ALDH5A1: variants seen among roughly 807,000 people sequenced by gnomAD.
ALDH5A1 encodes aldehyde dehydrogenase 5 family member A1.
In ALDH5A1, 33 loss-of-function variants were observed where a neutral mutation model predicts 54.7. That is an observed-to-expected ratio of 0.60 (90% confidence interval 0.46 to 0.81). ALDH5A1 has a LOEUF of 0.81. Among genes scored for constraint, ALDH5A1 ranks in the 30% least tolerant of loss-of-function variants. The pLI, the probability that ALDH5A1 is intolerant of heterozygous loss-of-function variation, is 0.00. For missense variants in ALDH5A1, 657 were observed against 711.0 expected (o/e 0.92, Z 0.86); for synonymous variants, 294 against 292.7 (o/e 1.00, Z -0.05).
rs1370936799 is a variant in ALDH5A1, at chr6:24,495,337, A to G, written c.341A>G (p.Glu114Gly). 5.9e-6 allele frequency: 9 copies of G among 1,532,650 alleles called. No homozygotes were observed. Among genetic ancestry groups the G allele is most frequent in the Non-Finnish European group, 7.9e-6 (9 of 1,146,228 alleles). The allele number at this position is 1,532,650 out of a possible 1,614,324, so 94.9% of individuals were successfully genotyped here. The change falls in exon 1 of 10, where the codon GAG (glutamate) becomes GGG (glycine). Residue 114 changes from glutamate to glycine, a missense_variant. Coordinates refer to ENST00000357578, the MANE Select transcript of ALDH5A1 (RefSeq NM_001080.3). ...TACGAGGCTTTCTGCCGCTGGAGGGAGGTCTCCGCCAAGGTGAGAGAGCCC... is the reference window on the plus strand; with the variant it reads ...TACGAGGCTTTCTGCCGCTGGAGGGGGGTCTCCGCCAAGGTGAGAGAGCCC... ...AAYEAFCRWR[E>G]VSAKERSSLL... is the part of the protein sequence containing the mutation.
rs57900397 is a variant in ALDH5A1 at position 24,514,903 on chromosome 6, G to A, written c.727-264G>A. On this transcript the variant is annotated intron_variant, in intron 4 of 9. Coordinates refer to ENST00000357578, the MANE Select transcript of ALDH5A1 (RefSeq NM_001080.3). ...TCCTCTCAACTCTGCCTCCCAAAGC[G>A]CTGAGATTACAGGCATGAGCCACCA... 0.17 allele frequency among the ~76,000 whole-genome samples: 25,823 copies of A among 151,772 alleles called. 2,299 individuals carry two copies. The highest frequency in any genetic ancestry group is 0.2 in the Middle Eastern group (59 of 292).
rs1216101332 is a variant in ALDH5A1 at position 24,502,579 on chromosome 6, C to T, written c.411C>T (p.Asp137=). The T allele has an allele frequency of 2.5e-6, 4 of 1,613,498 alleles. No homozygotes were observed. In the East Asian group the frequency reaches 8.9e-5, roughly 36 times the overall value. Residue 137 remains aspartate, a synonymous_variant, in exon 2 of 10, where the codon GAC becomes GAT. Transcript: ENST00000357578. The part of the protein sequence containing the change: ...WYNLMIQNKD[D]LARIITAESG... ...ATTTAATGATACAAAATAAGGATGA[C>T]CTTGCCAGAATAATCACAGCTGAAA...
At chr6:24,499,240 C>T (rs1005112622) in intron 1 of ALDH5A1, among the ~76,000 whole-genome samples, 4 of 152,008 alleles carry the variant, frequency 2.6e-5, no homozygotes, top group African/African-American at 4.8e-5. Flanking sequence ...TGCAGTGAGC[C>T]GAGATGGCGC....
At position 24,531,538 on chromosome 6, in the gene ALDH5A1, G is replaced by A. The variant is rs141052202; in HGVS notation, c.1344-581G>A. 1.9e-3 allele frequency among the ~76,000 whole-genome samples: 293 copies of A among 152,242 alleles called. 1 individual carries two copies. Among genetic ancestry groups the A allele is most frequent in the African/African-American group, 6.7e-3 (278 of 41,542 alleles). On this transcript the variant is annotated intron_variant, in intron 8 of 9. Coordinates refer to ENST00000357578, the MANE Select transcript of ALDH5A1 (RefSeq NM_001080.3). ...GAAATTGGGGTGCTTAGAACTTTTT[G>A]CCCCAGTTACAATTCTGGAACAACA...
In ALDH5A1 at chr6:24,518,586, G is replaced by A. The variant is rs1450863578; in HGVS notation, c.871-1815G>A. Among the ~76,000 whole-genome samples the A allele has an allele frequency of 1.3e-5, 2 of 152,190 alleles. No homozygotes were observed. The highest frequency in any genetic ancestry group is 2.9e-5 in the Non-Finnish European group (2 of 68,028). ...ATTTTTAAATAAAAACATAAAAAAA[G>A]TTTAAATAGTTATGTTGCGTCCGAT... On this transcript the variant is annotated intron_variant, in intron 5 of 9. Transcript: ENST00000357578. The surrounding 1 kb of genome is among the most constrained non-coding windows in gnomAD (Gnocchi z 4.2).
At chr6:24,532,543 G>A (rs1759957253) in intron 9 of ALDH5A1, among the ~76,000 whole-genome samples, 1 of 152,176 alleles carries the variant, frequency 6.6e-6, no homozygotes, top group African/African-American at 2.4e-5. Context: ...AGCCTGAACA[G>A]AAGAGGAAGG....
chr6:24,513,874 T>A (rs1759511282), intron 4 of ALDH5A1, among the ~76,000 whole-genome samples: 1 of 152,176 alleles, frequency 6.6e-6, no homozygotes. Flanking sequence ...ACACAGGTGG[T>A]ATATTCTTAC....
chr6:24,505,035 G>A (rs1305627622), intron 4 of ALDH5A1, 50 bp downstream of exon 4: 1 of 1,590,860 alleles, frequency 6.3e-7, no homozygotes, highest in Non-Finnish European at 8.6e-7. Flanking sequence ...TTCAAAAATT[G>A]ATGTTTATCT....
At chr6:24,507,422 A>G (rs1028668833) in intron 4 of ALDH5A1, among the ~76,000 whole-genome samples, 1 of 151,636 alleles carries the variant, frequency 6.6e-6, no homozygotes, top group African/African-American at 2.4e-5. Flanking sequence ...TCTTGCCCTT[A>G]TAAGTCAACT....
At position 24,533,925 on chromosome 6, in the gene ALDH5A1, C is replaced by A. The variant is rs888081332; in HGVS notation, c.*213C>A. Reference sequence around the variant, plus strand: ...TGCCACGTGCCTGTGGCTGCAGACTCCCAGAGAACCAGCACTGGGTTTACA... The same window carrying A: ...TGCCACGTGCCTGTGGCTGCAGACTACCAGAGAACCAGCACTGGGTTTACA... On this transcript the variant is annotated 3_prime_UTR_variant, in exon 10 of 10. Transcript: ENST00000357578. 1 of 520,654 alleles carries A rather than the reference C, an allele frequency of 1.9e-6. No individual in the cohort carries two copies. The highest frequency in any genetic ancestry group is 2.1e-5 in the South Asian group (1 of 48,068). The allele number at this position is 520,654 out of a possible 1,614,324, so 32.3% of individuals were successfully genotyped here.
intron 7 of ALDH5A1, among the ~76,000 whole-genome samples, chr6:24,523,744 CT>C (rs1759748421): frequency 6.6e-6 from 1 of 152,204 alleles, no homozygotes; most frequent in Non-Finnish European, 1.5e-5. Context: ...GACAAAATCC[CT>C]GTCTAAAACA....
rs748101392 is a variant in ALDH5A1, at chr6:24,495,393, A to C, written c.354+43A>C. On this transcript the variant is annotated intron_variant, in intron 1 of 9. Coordinates refer to ENST00000357578, the MANE Select transcript of ALDH5A1 (RefSeq NM_001080.3). ...CAGGGGGCCAGAGCTGGCCGGGGACACGGCGGGGAGCAGAGGGGGCTTTAC... is the reference window on the plus strand; with the variant it reads ...CAGGGGGCCAGAGCTGGCCGGGGACCCGGCGGGGAGCAGAGGGGGCTTTAC... 3 of 1,523,178 alleles carry C rather than the reference A, an allele frequency of 2.0e-6. No homozygotes were observed. In the South Asian group the frequency reaches 3.6e-5, roughly 18 times the overall value. The allele number at this position is 1,523,178 out of a possible 1,614,324, so 94.4% of individuals were successfully genotyped here.
rs556760390 is a variant in ALDH5A1, at chr6:24,513,320, C to A, written c.727-1847C>A. ...GCTCAAGCAGTCCTCCCACATCAGC[C>A]TCCCAAAGTGCTGGGGTTACAAGCA... On this transcript the variant is annotated intron_variant, in intron 4 of 9. Transcript: ENST00000357578. Among the ~76,000 whole-genome samples, 10 of 152,314 alleles carry A rather than the reference C, an allele frequency of 6.6e-5. No individual in the cohort carries two copies. The East Asian group carries it at 1.7e-3, about 26-fold the overall frequency.
At chr6:24,532,793 CTATT>C (rs1420215705) in intron 9 of ALDH5A1, among the ~76,000 whole-genome samples, 1 of 152,002 alleles carries the variant, frequency 6.6e-6, no homozygotes, top group Non-Finnish European at 1.5e-5. Flanking sequence ...TGTAAGAGAA[CTATT>C]TATACCAAGA....
At chr6:24,519,211 G>A (rs115215472) in intron 5 of ALDH5A1, among the ~76,000 whole-genome samples, 58 of 152,028 alleles carry the variant, frequency 3.8e-4, no homozygotes, top group African/African-American at 1.3e-3. Context: ...TCCAACAGAT[G>A]GGGCCTGAAT....
chr6:24,526,668 G>A (rs944003035), intron 7 of ALDH5A1, among the ~76,000 whole-genome samples: 23 of 151,158 alleles, frequency 1.5e-4, no homozygotes, highest in Non-Finnish European at 3.1e-4. Flanking sequence ...GTTAATACCC[G>A]TCCAGTAGTA....
intron 8 of ALDH5A1, among the ~76,000 whole-genome samples, chr6:24,531,733 G>A (rs1375238431): frequency 6.6e-6 from 1 of 152,134 alleles, no homozygotes; most frequent in African/African-American, 2.4e-5. Flanking sequence ...CCTTCTGAAC[G>A]TTTTCTTTCT....
Position 24,519,154 on chromosome 6 carries a change from C to T in ALDH5A1, c.871-1247C>T, listed in dbSNP as rs372472923. On this transcript the variant is annotated intron_variant, in intron 5 of 9. Coordinates refer to ENST00000357578, the MANE Select transcript of ALDH5A1 (RefSeq NM_001080.3). ...TAGCCCAGGCTGGAGTGCAGTGGCG[C>T]GATCCACAGCGTTTTTTTAATGGCA... is the stretch of plus-strand genomic sequence containing the variant. Among the ~76,000 whole-genome samples, 181 of 151,890 alleles carry T rather than the reference C, an allele frequency of 1.2e-3. 3 individuals are homozygous for T. In the South Asian group the frequency reaches 0.029, roughly 25 times the overall value.
intron 4 of ALDH5A1, among the ~76,000 whole-genome samples, chr6:24,512,201 C>T (rs1759472911): frequency 6.6e-6 from 1 of 152,206 alleles, no homozygotes; most frequent in Non-Finnish European, 1.5e-5. Context: ...GGTCTCTCAG[C>T]CGTAGATACC....
Sources: gnomAD v4.1 joint callset for allele counts (sites outside exome capture counted in the v4.1 genomes callset) on GRCh38, gnomAD v4.1.1 for gene constraint, Gnocchi (gnomAD v3.1) non-coding constraint, MANE v1.5 for transcripts, NCBI Gene and HGNC (gene_info 2026-07-23, HGNC 2026-07-21) for gene names.